The following RANBP2 variants were observed in gnomAD, a reference collection of about 807,000 sequenced individuals.
RANBP2 encodes E3 SUMO-protein ligase RanBP2.
Under a neutral mutation model 303.6 loss-of-function variants are expected in RANBP2, and 57 were observed. The observed-to-expected ratio is 0.19, with a 90% CI of 0.15 to 0.23. The LOEUF is 0.23. Among genes scored for constraint, RANBP2 ranks in the 10% least tolerant of loss-of-function variants. The pLI is 1.00. For synonymous variants in RANBP2, 1,167 were observed against 1,301.5 expected, an observed-to-expected ratio of 0.90 and a Z score of 2.23; for missense variants, 3,138 against 3,780.8, an observed-to-expected ratio of 0.83 and a Z score of 4.46.
rs555110218 is a variant in RANBP2 at position 108,747,390 on chromosome 2, A to G, written c.1063+592A>G. 2.1e-4 allele frequency among the ~76,000 whole-genome samples: 32 copies of G among 152,358 alleles called. No homozygotes were observed. The South Asian group carries it at 6.0e-3, about 29-fold the overall frequency. On this transcript the variant is annotated intron_variant, in intron 8 of 28. Transcript: ENST00000283195. ...GAACTGAAGAAACATAATGCTTTCT[A>G]TAAGGAGCAGTTTTGATATAAAATT...
the RANBP2 span, among the ~76,000 whole-genome samples, chr2:109,619,883 C>G: frequency 6.6e-6 from 1 of 152,130 alleles, no homozygotes; most frequent in Non-Finnish European, 1.5e-5. Flanking sequence ...TCACCCAAGT[C>G]TTCATAAATC....
At chr2:109,269,477 A>C in the RANBP2 span, among the ~76,000 whole-genome samples, 3 of 152,310 alleles carry the variant, frequency 2.0e-5, no homozygotes, top group Non-Finnish European at 4.4e-5. Flanking sequence ...AGCACCAGGT[A>C]GTGCTTAAAA....
the RANBP2 span, among the ~76,000 whole-genome samples, chr2:108,966,293 A>G: frequency 1.3e-5 from 2 of 152,218 alleles, no homozygotes; most frequent in Admixed American, 6.5e-5. Flanking sequence ...TTAAAGTCAG[A>G]TGATCTTTGC....
chr2:109,602,901 C>CAAA, the RANBP2 span, among the ~76,000 whole-genome samples: 5,278 of 110,280 alleles, frequency 0.048, 321 homozygotes, highest in African/African-American at 0.15. Flanking sequence ...GACCCTGTCT[C>CAAA]AAAAAAAAAA....
the RANBP2 span, chr2:109,618,350 ACAGT>A: frequency 5.4e-5 from 9 of 167,184 alleles, no homozygotes; most frequent in African/African-American, 9.6e-5. Flanking sequence ...GTTCTGGTCA[ACAGT>A]CAGTATTATC....
the RANBP2 span, among the ~76,000 whole-genome samples, chr2:108,812,066 C>T: frequency 3.3e-5 from 5 of 151,918 alleles, no homozygotes; most frequent in Non-Finnish European, 5.9e-5. Context: ...AGGAATAAAT[C>T]TAAAGAGAGA....
At chr2:108,779,453 C>T (rs1445354617) in intron 25 of RANBP2, among the ~76,000 whole-genome samples, 1 of 152,240 alleles carries the variant, frequency 6.6e-6, no homozygotes, top group Non-Finnish European at 1.5e-5. Flanking sequence ...GCATGAGCCA[C>T]CACACCCGGC....
At chr2:109,297,188 G>A in the RANBP2 span, among the ~76,000 whole-genome samples, 6 of 151,910 alleles carry the variant, frequency 3.9e-5, no homozygotes, top group African/African-American at 1.5e-4. Context: ...TCTGCAGGGG[G>A]GTGAGTTCCC....
the RANBP2 span, among the ~76,000 whole-genome samples, chr2:109,388,112 TACGCCTGCCC>T: frequency 6.6e-6 from 1 of 152,210 alleles, no homozygotes; most frequent in East Asian, 1.9e-4. Context: ...TTCACCATCC[TACGCCTGCCC>T]ACGCCTCTCC....
the RANBP2 span, among the ~76,000 whole-genome samples, chr2:109,270,667 T>C: frequency 6.9e-4 from 105 of 152,194 alleles, no homozygotes; most frequent in Non-Finnish European, 1.2e-3. Context: ...ATAGGTGTCT[T>C]GGCCCCGTAT....
chr2:109,073,947 G>T, the RANBP2 span, among the ~76,000 whole-genome samples: 12 of 150,496 alleles, frequency 8.0e-5, no homozygotes, highest in African/African-American at 2.7e-4. Context: ...AAGAAAAAAA[G>T]TTACAAAGCC....
chr2:109,483,143 G>C, the RANBP2 span, among the ~76,000 whole-genome samples: 1 of 152,126 alleles, frequency 6.6e-6, no homozygotes, highest in Non-Finnish European at 1.5e-5. Flanking sequence ...CCAGAGAGGT[G>C]CCCTTTCCCC....
the RANBP2 span, among the ~76,000 whole-genome samples, chr2:109,311,872 TGTTTTCTC>T: frequency 6.6e-6 from 1 of 152,200 alleles, no homozygotes; most frequent in Non-Finnish European, 1.5e-5. Flanking sequence ...AGTTTGAAGT[TGTTTTCTC>T]GTTTTCTTAC....
At chr2:109,380,689 G>C in the RANBP2 span, among the ~76,000 whole-genome samples, 3 of 152,150 alleles carry the variant, frequency 2.0e-5, no homozygotes, top group African/African-American at 7.2e-5. Flanking sequence ...ATGTTGTCAG[G>C]GCCTGGCGAA....
the RANBP2 span, among the ~76,000 whole-genome samples, chr2:109,372,923 G>A: frequency 2.0e-5 from 3 of 152,194 alleles, no homozygotes; most frequent in Non-Finnish European, 2.9e-5. Flanking sequence ...TCAATTCCCC[G>A]TTGCCTGCAG....
At chr2:109,512,627 C>T in the RANBP2 span, among the ~76,000 whole-genome samples, 22 of 152,302 alleles carry the variant, frequency 1.4e-4, 1 homozygote, top group Admixed American at 1.4e-3. Flanking sequence ...TGACTAGACC[C>T]GGCTTGCTGG....
the RANBP2 span, among the ~76,000 whole-genome samples, chr2:109,632,904 C>T: frequency 2.6e-5 from 4 of 152,168 alleles, no homozygotes; most frequent in African/African-American, 9.6e-5. Flanking sequence ...ATTTCTTTCC[C>T]TTCAAATTCT....
Position 108,775,759 on chromosome 2 carries a change from A to C in RANBP2, c.8320A>C (p.Thr2774Pro). Residue 2774 changes from threonine (T) to proline (P), a missense_variant, in exon 24 of 29, where the codon ACA (threonine) becomes CCA (proline). Around this residue, in one of 20 missense-constraint regions of RANBP2, gnomAD observed 497 missense variants for 465.8 expected, o/e 1.07. Coordinates refer to ENST00000283195, the MANE Select transcript of RANBP2 (RefSeq NM_006267.5). The part of the protein sequence containing the change: ...QKSQTEEITS[T>P]TDSVYTGGTE... ...ATCTCAGACAGAAGAAATAACTAGC[A>C]CAACTGACAGTGTATATACAGGTGG... The C allele has an allele frequency of 6.2e-7, 1 of 1,613,840 alleles. No homozygotes were observed. The highest frequency in any genetic ancestry group is 8.5e-7 in the Non-Finnish European group (1 of 1,179,914).
chr2:108,757,239 G>A (rs1179468871), intron 17 of RANBP2, among the ~76,000 whole-genome samples: 5 of 152,164 alleles, frequency 3.3e-5, no homozygotes, highest in Non-Finnish European at 7.3e-5. Flanking sequence ...GGGACATTTT[G>A]TAGGTTCTAG....
Sources: gnomAD v4.1 joint callset for allele counts (sites outside exome capture counted in the v4.1 genomes callset) on GRCh38, gnomAD v4.1.1 for gene constraint, gnomAD v4.1.1 regional missense constraint, MANE v1.5 for transcripts, NCBI Gene and HGNC (gene_info 2026-07-23, HGNC 2026-07-21) for gene names.